Variants in RELN observed in about 807,000 individuals in gnomAD.
RELN encodes the protein reelin.
A neutral mutation model predicts 427.6 loss-of-function variants in RELN; 108 were observed. That is an observed-to-expected ratio of 0.25 (90% CI 0.22 to 0.30). The LOEUF (loss-of-function observed/expected upper bound fraction) is 0.30, where lower values mean the gene tolerates loss of function less well. Ranked by LOEUF, RELN falls within the 10% of genes least tolerant of loss-of-function variation. The pLI is 1.00. For missense variants in RELN, 3,715 were observed against 4,302.8 expected, an observed-to-expected ratio of 0.86 and a Z score of 3.82; for synonymous variants, 1,524 against 1,513.4, an observed-to-expected ratio of 1.01 and a Z score of -0.16.
Position 103,603,785 on chromosome 7 carries a change from G to A in RELN, c.3147-295C>T, listed in dbSNP as rs1831736679. Among the ~76,000 whole-genome samples, 3 of 152,126 alleles carry A rather than the reference G, an allele frequency of 2.0e-5. No homozygotes were observed. The highest frequency in any genetic ancestry group is 2.0e-4 in the Admixed American group (3 of 15,260). ...GTGCTTATGTGAGTGTGTGTTTGTG[G>A]GGGGCTGAGGGATAGTGGGATTTCC... On this transcript the variant is annotated intron_variant, in intron 23 of 64. Coordinates refer to ENST00000428762, the MANE Select transcript of RELN (RefSeq NM_005045.4). This position sits in a 1 kb window ranked among gnomAD's most constrained non-coding sequence, Gnocchi z 4.3.
rs180677535 is a variant in RELN at position 103,576,087 on chromosome 7, C to T, written c.4146-382G>A. On this transcript the variant is annotated intron_variant, in intron 28 of 64. Transcript: ENST00000428762. ...CTCTACTAAAAATAGAAAAAGTAGC[C>T]GGGCGTGGTGGCACGTGCTTGTAGT... Among the ~76,000 whole-genome samples, 221 of 152,228 alleles carry T rather than the reference C, an allele frequency of 1.5e-3. 1 individual carries two copies. Among genetic ancestry groups the T allele is most frequent in the Admixed American group, 5.2e-3 (80 of 15,294 alleles).
At chr7:103,925,278 C>T (rs954330044) in intron 1 of RELN, among the ~76,000 whole-genome samples, 27 of 152,002 alleles carry the variant, frequency 1.8e-4, no homozygotes, top group Non-Finnish European at 3.2e-4. Context: ...CCATTTTTAG[C>T]CCCAACTGCA....
intron 3 of RELN, among the ~76,000 whole-genome samples, chr7:103,787,830 T>C (rs1792057988): frequency 6.6e-6 from 1 of 152,190 alleles, no homozygotes; most frequent in Non-Finnish European, 1.5e-5. Flanking sequence ...CCTAACTCTT[T>C]TTATGAGGCC....
chr7:103,909,592 G>C (rs1390858900), intron 2 of RELN, among the ~76,000 whole-genome samples: 2 of 136,166 alleles, frequency 1.5e-5, no homozygotes, highest in Non-Finnish European at 3.0e-5. Flanking sequence ...GGGTAACAAA[G>C]CAAGACTTCA....
Position 103,651,641 on chromosome 7 carries a change from C to A in RELN, c.1892+20G>T. Reference sequence around the variant, plus strand: ...AACATGGATTCAAGTATTTCAATATCTCAGAGAGAATGTACTCACCCACTG... The same window carrying A: ...AACATGGATTCAAGTATTTCAATATATCAGAGAGAATGTACTCACCCACTG... On this transcript the variant is annotated intron_variant, in intron 15 of 64. Coordinates refer to ENST00000428762, the MANE Select transcript of RELN (RefSeq NM_005045.4). 6.2e-7 allele frequency: 1 copy of A among 1,607,972 alleles called. No individual in the cohort carries two copies. The highest frequency in any genetic ancestry group is 8.5e-7 in the Non-Finnish European group (1 of 1,175,288).
intron 6 of RELN, among the ~76,000 whole-genome samples, chr7:103,745,393 A>G (rs980067788): frequency 6.6e-6 from 1 of 151,596 alleles, no homozygotes. Context: ...CCTATTCAAC[A>G]TGGTGTTGGA....
Position 103,716,999 on chromosome 7 carries a change from C to T in RELN, c.805+6141G>A, listed in dbSNP as rs115499098. ...CAGTCCCCCCAAAATGTTAATAGCA[C>T]GAATTTATGAATGAATTACTGACAT... On this transcript the variant is annotated intron_variant, in intron 8 of 64. Coordinates refer to ENST00000428762, the MANE Select transcript of RELN (RefSeq NM_005045.4). 9.7e-3 allele frequency among the ~76,000 whole-genome samples: 1,478 copies of T among 152,054 alleles called. 26 individuals are homozygous for T. Among genetic ancestry groups the T allele is most frequent in the African/African-American group, 0.033 (1,387 of 41,482 alleles).
chr7:103,795,520 G>A (rs1024131232), intron 3 of RELN, among the ~76,000 whole-genome samples: 2 of 152,162 alleles, frequency 1.3e-5, no homozygotes, highest in African/African-American at 2.4e-5. Flanking sequence ...CAGAGCAAAA[G>A]AGACTGAATC....
chr7:103,963,534 G>A (rs147988754), intron 1 of RELN, among the ~76,000 whole-genome samples: 206 of 152,120 alleles, frequency 1.4e-3, no homozygotes, highest in African/African-American at 4.8e-3. Context: ...AGATTTAGGG[G>A]GGCTGTGGTC....
At chr7:103,487,773 G>C (rs969953619) in intron 60 of RELN, among the ~76,000 whole-genome samples, 1 of 152,150 alleles carries the variant, frequency 6.6e-6, no homozygotes, top group Non-Finnish European at 1.5e-5. Context: ...ATGTACACTT[G>C]ATGATTCTTA....
In RELN at chr7:103,589,597, T is replaced by G. The variant is rs1831362077; in HGVS notation, c.4144A>C (p.Ser1382Arg). The G allele has an allele frequency of 6.2e-7, 1 of 1,604,346 alleles. No individual in the cohort carries two copies. Among genetic ancestry groups the G allele is most frequent in the Non-Finnish European group, 8.5e-7 (1 of 1,171,072 alleles). ...TIVIPRSLAS[S>R]KTRFRWIQES... is the part of the protein sequence containing the mutation. Reference sequence around the variant, plus strand: ...ACCCATTAAGAATGATTACTTTACCTGGATGCAAGAGACCTTGGAATAACA... The same window carrying G: ...ACCCATTAAGAATGATTACTTTACCGGGATGCAAGAGACCTTGGAATAACA... Residue 1382 changes from serine to arginine, a missense_variant and splice_region_variant, in exon 28 of 65, where the codon AGC becomes CGC. Ser to Arg is a moderately radical substitution (Grantham distance 110). Around this residue, in one of 4 missense-constraint regions of RELN, gnomAD observed 2,208 missense variants for 2,361.7 expected, o/e 0.93. Coordinates refer to ENST00000428762, the MANE Select transcript of RELN (RefSeq NM_005045.4).
intron 1 of RELN, among the ~76,000 whole-genome samples, chr7:103,945,376 C>G (rs1005375440): frequency 9.9e-5 from 15 of 152,262 alleles, no homozygotes; most frequent in East Asian, 3.9e-4. Flanking sequence ...CAGACACTTT[C>G]CAACAGCTGA....
In RELN at chr7:103,880,715, C is replaced by G. The variant is rs1177986050; in HGVS notation, c.337+36360G>C. Among the ~76,000 whole-genome samples the G allele has an allele frequency of 2.6e-5, 4 of 152,180 alleles. 1 individual carries two copies. Among genetic ancestry groups the G allele is most frequent in the Non-Finnish European group, 5.9e-5 (4 of 68,024 alleles). On this transcript the variant is annotated intron_variant, in intron 2 of 64. Transcript: ENST00000428762. ...TTCTTCTTTTTTATTTAGACAGAGTCTACCTCTGTCATGCAGGCTGGAGTG... is the reference window on the plus strand; with the variant it reads ...TTCTTCTTTTTTATTTAGACAGAGTGTACCTCTGTCATGCAGGCTGGAGTG...
chr7:103,870,850 T>C (rs1325331640), intron 2 of RELN, among the ~76,000 whole-genome samples: 1 of 152,162 alleles, frequency 6.6e-6, no homozygotes, highest in African/African-American at 2.4e-5. Context: ...CAAAGACTTC[T>C]GCAGTCCTCC....
At chr7:103,533,547 C>T (rs1829985362) in intron 46 of RELN, among the ~76,000 whole-genome samples, 1 of 152,098 alleles carries the variant, frequency 6.6e-6, no homozygotes, top group Non-Finnish European at 1.5e-5. Context: ...CTGAATTACC[C>T]AAAGGGCCTT....
chr7:103,566,434 T>C, intron 32 of RELN, 22 bp from the exon 33 acceptor site: 2 of 1,612,304 alleles, frequency 1.2e-6, no homozygotes, highest in South Asian at 1.1e-5. Context: ...TGAATAAAGG[T>C]GGTTAGAGAA....
intron 2 of RELN, among the ~76,000 whole-genome samples, chr7:103,880,394 T>C (rs1295774236): frequency 4.6e-5 from 7 of 152,198 alleles, no homozygotes; most frequent in Non-Finnish European, 1.0e-4. Context: ...CATGAGTCAT[T>C]ACCATTATAA....
At chr7:103,785,457 T>C (rs1383976806) in intron 3 of RELN, among the ~76,000 whole-genome samples, 2 of 152,130 alleles carry the variant, frequency 1.3e-5, no homozygotes, top group East Asian at 3.9e-4. Flanking sequence ...CACATTTAAG[T>C]GGACTCAAAG....
At chr7:103,531,231 A>T (rs556155458) in intron 46 of RELN, among the ~76,000 whole-genome samples, 81 of 152,358 alleles carry the variant, frequency 5.3e-4, no homozygotes, top group African/African-American at 1.9e-3. Context: ...TGAAGTTTAG[A>T]AACACAAAAT....
Sources: gnomAD v4.1 joint callset for allele counts (sites outside exome capture counted in the v4.1 genomes callset) on GRCh38, gnomAD v4.1.1 for gene constraint, gnomAD v4.1.1 regional missense constraint, Gnocchi (gnomAD v3.1) non-coding constraint, MANE v1.5 for transcripts, NCBI Gene and HGNC (gene_info 2026-07-23, HGNC 2026-07-21) for gene names.